PRKN: variants seen among roughly 807,000 people sequenced by gnomAD.
The protein encoded by PRKN is E3 ubiquitin-protein ligase parkin.
PRKN carries 56 observed loss-of-function variants against 59.5 expected under a neutral mutation model. The ratio of observed to expected loss-of-function variants is 0.94; its 90% CI spans 0.76 to 1.18. PRKN has a LOEUF of 1.18. Ranked by LOEUF, PRKN falls within the 50% of genes most tolerant of loss-of-function variation. PRKN has a pLI of 0.00. For synonymous variants in PRKN, 250 were observed against 222.1 expected, an observed-to-expected ratio of 1.13 and a Z score of -1.12; for missense variants, 657 against 596.4, an observed-to-expected ratio of 1.10 and a Z score of -1.06.
intron 1 of PRKN, among the ~76,000 whole-genome samples, chr6:162,464,979 C>T (rs1326672343): frequency 6.6e-6 from 1 of 152,176 alleles, no homozygotes; most frequent in Admixed American, 6.5e-5. Context: ...ATGGCGATCT[C>T]ATGGCTGTGA....
At chr6:162,466,978 A>G (rs932982644) in intron 1 of PRKN, among the ~76,000 whole-genome samples, 5 of 152,128 alleles carry the variant, frequency 3.3e-5, no homozygotes, top group Non-Finnish European at 5.9e-5. Flanking sequence ...TAAAAGAAAA[A>G]TAGGTCGAAA....
chr6:161,485,572 T>C (rs2115255482), intron 9 of PRKN, among the ~76,000 whole-genome samples: 1 of 152,194 alleles, frequency 6.6e-6, no homozygotes, highest in Admixed American at 6.5e-5. Flanking sequence ...TAGGAGGGGG[T>C]CAAAGTTTAG....
At chr6:162,401,921 T>G (rs1427868624) in intron 2 of PRKN, among the ~76,000 whole-genome samples, 1 of 152,124 alleles carries the variant, frequency 6.6e-6, no homozygotes, top group African/African-American at 2.4e-5. Context: ...TTTAACCAGC[T>G]TTAAGCAACT....
chr6:161,936,497 C>A (rs1779361984), intron 6 of PRKN, among the ~76,000 whole-genome samples: 1 of 152,044 alleles, frequency 6.6e-6, no homozygotes, highest in Non-Finnish European at 1.5e-5. Flanking sequence ...GCGTGAGTCA[C>A]CATGCCCGGC....
intron 7 of PRKN, among the ~76,000 whole-genome samples, chr6:161,639,117 C>A (rs1783642331): frequency 6.6e-6 from 1 of 152,182 alleles, no homozygotes; most frequent in African/African-American, 2.4e-5. Flanking sequence ...TGTTTGCTTT[C>A]CCTTCCGCCA....
chr6:161,973,959 C>T (rs111447237), intron 5 of PRKN, among the ~76,000 whole-genome samples: 3 of 152,298 alleles, frequency 2.0e-5, no homozygotes, highest in African/African-American at 7.2e-5. Flanking sequence ...CACATGGACT[C>T]CTGGTAGACA....
intron 7 of PRKN, among the ~76,000 whole-genome samples, chr6:161,646,312 C>G (rs1472808827): frequency 8.1e-5 from 7 of 86,008 alleles, no homozygotes; most frequent in African/African-American, 1.9e-4. Context: ...GGTGGCGTAT[C>G]AGTGACAGTG....
At chr6:161,752,109 A>G (rs932107299) in intron 7 of PRKN, among the ~76,000 whole-genome samples, 2 of 152,210 alleles carry the variant, frequency 1.3e-5, no homozygotes, top group Non-Finnish European at 1.5e-5. Flanking sequence ...GATTTAATTT[A>G]CATTTTTGAA....
At chr6:162,069,337 C>T (rs893356891) in intron 4 of PRKN, among the ~76,000 whole-genome samples, 1 of 152,168 alleles carries the variant, frequency 6.6e-6, no homozygotes, top group Non-Finnish European at 1.5e-5. Context: ...ATTCTGAGGC[C>T]TCCCCAGTCA....
intron 2 of PRKN, among the ~76,000 whole-genome samples, chr6:162,294,535 C>A (rs577534719): frequency 6.6e-6 from 1 of 152,274 alleles, no homozygotes; most frequent in African/African-American, 2.4e-5. Flanking sequence ...CAACTGCCCA[C>A]AGGACTGAGT....
At chr6:162,540,617 G>A (rs887783449) in intron 1 of PRKN, among the ~76,000 whole-genome samples, 2 of 151,890 alleles carry the variant, frequency 1.3e-5, no homozygotes, top group African/African-American at 4.8e-5. Flanking sequence ...GACCAGCCTG[G>A]CCAACATGGT....
intron 9 of PRKN, among the ~76,000 whole-genome samples, chr6:161,431,122 G>A (rs1248196624): frequency 2.2e-5 from 3 of 135,828 alleles, no homozygotes; most frequent in South Asian, 2.6e-4. Flanking sequence ...CTGGGCAACA[G>A]AGCGAGACTC....
At chr6:161,954,927 G>C (rs1039319416) in intron 6 of PRKN, among the ~76,000 whole-genome samples, 1 of 152,176 alleles carries the variant, frequency 6.6e-6, no homozygotes, top group Non-Finnish European at 1.5e-5. Context: ...CAATGGAAAA[G>C]AGCCAGCCCC....
chr6:162,351,535 T>C (rs1376111453), intron 2 of PRKN, among the ~76,000 whole-genome samples: 1 of 152,156 alleles, frequency 6.6e-6, no homozygotes, highest in Non-Finnish European at 1.5e-5. Flanking sequence ...GCCATTTTCT[T>C]TGGGACCAGG....
chr6:161,390,182 TTTTCAA>T lies in PRKN; in HGVS notation c.1084-3311_1084-3306del, dbSNP rs1033608999. On this transcript the variant is annotated intron_variant, in intron 9 of 11. Coordinates refer to ENST00000366898, the MANE Select transcript of PRKN (RefSeq NM_004562.3). This position sits in a 1 kb window ranked among gnomAD's most constrained non-coding sequence, Gnocchi z 7.0. ...TGATTTGATCTTGAAAATGTTTGGG[TTTTCAA>T]TTACATTATCCAGGACTCAAGACTC... 2.6e-5 allele frequency among the ~76,000 whole-genome samples: 4 copies of T among 152,172 alleles called. No homozygotes were observed. The highest frequency in any genetic ancestry group is 9.7e-5 in the African/African-American group (4 of 41,422).
At chr6:162,384,433 T>C (rs1451801889) in intron 2 of PRKN, among the ~76,000 whole-genome samples, 1 of 152,072 alleles carries the variant, frequency 6.6e-6, no homozygotes, top group Non-Finnish European at 1.5e-5. Flanking sequence ...AGACACACAT[T>C]AAGTTTGCCA....
intron 1 of PRKN, among the ~76,000 whole-genome samples, chr6:162,660,040 T>C (rs560184861): frequency 6.6e-6 from 1 of 152,292 alleles, no homozygotes; most frequent in African/African-American, 2.4e-5. Context: ...ATCCTAGCCA[T>C]TTCATCCATT....
chr6:162,435,152 G>C (rs1789710494), intron 2 of PRKN, among the ~76,000 whole-genome samples: 1 of 152,140 alleles, frequency 6.6e-6, no homozygotes, highest in Admixed American at 6.5e-5. Flanking sequence ...CATTTATCAG[G>C]TTTCCTGTAC....
chr6:162,588,167 T>G lies in PRKN; in HGVS notation c.7+139495A>C, dbSNP rs922278040. On this transcript the variant is annotated intron_variant, in intron 1 of 11. Coordinates refer to ENST00000366898, the MANE Select transcript of PRKN (RefSeq NM_004562.3). ...CTGGGATTATAGGTGCATGCCGCCA[T>G]CCCTAACTAATTTTTGTATTTTTAG... Among the ~76,000 whole-genome samples, 6 of 151,618 alleles carry G rather than the reference T, an allele frequency of 4.0e-5. 1 individual carries two copies. The highest frequency in any genetic ancestry group is 5.9e-5 in the Non-Finnish European group (4 of 67,884).
Sources: gnomAD v4.1 joint callset for allele counts (sites outside exome capture counted in the v4.1 genomes callset) on GRCh38, gnomAD v4.1.1 for gene constraint, Gnocchi (gnomAD v3.1) non-coding constraint, MANE v1.5 for transcripts, NCBI Gene and HGNC (gene_info 2026-07-23, HGNC 2026-07-21) for gene names.